The following LRRC9 variants were observed in gnomAD, a reference collection of about 807,000 sequenced individuals.
LRRC9 encodes leucine rich repeat containing 9, also known as leucine-rich repeat-containing protein 9.
Under a neutral mutation model 63.2 loss-of-function variants are expected in LRRC9, and 122 were observed. The observed-to-expected ratio is 1.93, with a 90% CI of 1.67 to 2.24. LRRC9 has a LOEUF of 2.24. LRRC9 is among the 30% of genes most tolerant of loss of function. The probability of loss-of-function intolerance (pLI) is 0.00; values close to 1 mark genes in which losing one functional copy is unlikely to be tolerated. For synonymous variants in LRRC9, 366 were observed against 213.1 expected, an observed-to-expected ratio of 1.72 and a Z score of -6.25; for missense variants, 1,071 against 627.7, an observed-to-expected ratio of 1.71 and a Z score of -7.55.
chr14:59,958,912 C>T lies in LRRC9; in HGVS notation c.883-906C>T, dbSNP rs1252587652. 6.6e-6 allele frequency among the ~76,000 whole-genome samples: 1 copy of T among 152,194 alleles called. No homozygotes were observed. Among genetic ancestry groups the T allele is most frequent in the South Asian group, 2.1e-4 (1 of 4,830 alleles). ...CTGGGTGATGTGACACCCCACCCTG[C>T]TTCTGCTCACCCTCTGTGGGTTGGA... On this transcript the variant is annotated intron_variant, in intron 8 of 31. Transcript: ENST00000445360. The surrounding 1 kb of genome is among the most constrained non-coding windows in gnomAD (Gnocchi z 4.0).
chr14:60,046,687 A>C (rs1350864040), intron 29 of LRRC9, among the ~76,000 whole-genome samples: 1 of 152,176 alleles, frequency 6.6e-6, no homozygotes, highest in East Asian at 1.9e-4. Flanking sequence ...CTTGTGGCAT[A>C]GTTTGAGGTC....
At chr14:60,000,971 C>T (rs1383249667) in intron 19 of LRRC9, among the ~76,000 whole-genome samples, 4 of 151,992 alleles carry the variant, frequency 2.6e-5, no homozygotes, top group Admixed American at 6.6e-5. Context: ...AGCCAATTAA[C>T]TTAGGAAAAG....
chr14:59,945,381 G>C (rs1594839878), intron 8 of LRRC9, among the ~76,000 whole-genome samples: 1 of 151,774 alleles, frequency 6.6e-6, no homozygotes, highest in East Asian at 1.9e-4. Context: ...TCAACAAATG[G>C]TGTTACAAAA....
At chr14:59,955,968 C>T (rs1255380487) in intron 8 of LRRC9, among the ~76,000 whole-genome samples, 2 of 152,072 alleles carry the variant, frequency 1.3e-5, no homozygotes, top group Non-Finnish European at 2.9e-5. Context: ...TTACTTAATC[C>T]TGAGTTCTAT....
At position 60,031,681 on chromosome 14, in the gene LRRC9, T is replaced by C. The variant is rs79243905; in HGVS notation, c.3922-314T>C. On this transcript the variant is annotated intron_variant, in intron 28 of 31. Transcript: ENST00000445360. The surrounding 1 kb of genome is among the most constrained non-coding windows in gnomAD (Gnocchi z 4.6). ...CTTTCTGGTCAATGTGCTGGAGGAA[T>C]TAACCAAATATAATATGAGTCCTAG... Among the ~76,000 whole-genome samples the C allele has an allele frequency of 3.4e-3, 515 of 152,136 alleles. 18 individuals are homozygous for C. In the East Asian group the frequency reaches 0.058, roughly 17 times the overall value.
intron 23 of LRRC9, among the ~76,000 whole-genome samples, chr14:60,011,196 T>C (rs1319046835): frequency 6.6e-6 from 1 of 152,130 alleles, no homozygotes; most frequent in Non-Finnish European, 1.5e-5. Context: ...TCATGGCAGA[T>C]GAAGGAAGAG....
chr14:59,932,736 A>T lies in LRRC9; in HGVS notation c.543+697A>T, dbSNP rs920748146. ...CATCACTACCAAGCTGATTCAAGACACTATCATCTCTAACCTGCATTAATG... is the reference window on the plus strand; with the variant it reads ...CATCACTACCAAGCTGATTCAAGACTCTATCATCTCTAACCTGCATTAATG... On this transcript the variant is annotated intron_variant, in intron 6 of 31. Coordinates refer to ENST00000445360, the Ensembl canonical transcript of LRRC9. This position sits in a 1 kb window ranked among gnomAD's most constrained non-coding sequence, Gnocchi z 4.7. 2.0e-5 allele frequency among the ~76,000 whole-genome samples: 3 copies of T among 152,098 alleles called. No homozygotes were observed. The highest frequency in any genetic ancestry group is 1.3e-4 in the Admixed American group (2 of 15,252).
At chr14:59,963,034 A>G (rs1482995480) in intron 10 of LRRC9, among the ~76,000 whole-genome samples, 2 of 152,230 alleles carry the variant, frequency 1.3e-5, no homozygotes, top group Admixed American at 6.5e-5. Flanking sequence ...ATGTTAAGAA[A>G]TAACTACTAA....
rs908677210 is a variant in LRRC9, at chr14:60,057,955, T to C, written c.4209T>C (p.Asn1403=). The stretch of plus-strand genomic sequence containing the variant: ...AAACTCCTCCCATAGAGATAACAAA[T>C]GTACTTCTGCCTAGTGGATTCAGCC... The change falls in exon 31 of 32, where the codon AAT becomes AAC. Residue 1403 remains asparagine (N), a synonymous_variant. Transcript: ENST00000445360. 1.5e-5 allele frequency: 10 copies of C among 689,112 alleles called. No individual in the cohort carries two copies. The Admixed American group carries it at 1.8e-4, about 12-fold the overall frequency. The allele number at this position is 689,112 out of a possible 1,614,324, so 42.7% of individuals were successfully genotyped here. A position where few individuals can be genotyped will look rare whatever the true frequency, so the allele number is the denominator to read the frequency against.
In LRRC9 at chr14:59,966,118, G is replaced by A. The variant is rs924368591; in HGVS notation, c.1212-471G>A. ...AGTAGGTAGTTGGATATTCAAGTCTGGGTATAACCAGCTAAGTTGAGTAGA... is the reference window on the plus strand; with the variant it reads ...AGTAGGTAGTTGGATATTCAAGTCTAGGTATAACCAGCTAAGTTGAGTAGA... On this transcript the variant is annotated intron_variant, in intron 10 of 31. Transcript: ENST00000445360. This position sits in a 1 kb window ranked among gnomAD's most constrained non-coding sequence, Gnocchi z 4.0. 7.9e-5 allele frequency among the ~76,000 whole-genome samples: 12 copies of A among 151,950 alleles called. No individual in the cohort carries two copies. The highest frequency in any genetic ancestry group is 2.9e-4 in the African/African-American group (12 of 41,322).
chr14:59,922,529 G>A lies in LRRC9; in HGVS notation c.-34+2646G>A, dbSNP rs1888874827. Reference sequence around the variant, plus strand: ...AGGAAATTTGGCAATAAATGAAAGAGGAAAATTTGACAGCAGTATTCTGAA... The same window carrying A: ...AGGAAATTTGGCAATAAATGAAAGAAGAAAATTTGACAGCAGTATTCTGAA... On this transcript the variant is annotated intron_variant, in intron 1 of 31. Transcript: ENST00000445360. The surrounding 1 kb of genome is among the most constrained non-coding windows in gnomAD (Gnocchi z 5.3). Among the ~76,000 whole-genome samples the A allele has an allele frequency of 6.6e-6, 1 of 152,132 alleles. No individual in the cohort carries two copies. Among genetic ancestry groups the A allele is most frequent in the African/African-American group, 2.4e-5 (1 of 41,424 alleles).
intron 12 of LRRC9, chr14:59,973,486 A>G (rs219321): frequency 0.74 from 113,119 of 151,864 alleles, 44,309 homozygotes; most frequent in Non-Finnish European, 0.87. Flanking sequence ...TGGGGGATTG[A>G]TTCCAGGACT....
chr14:60,002,654 A>G (rs1360855573), intron 20 of LRRC9, among the ~76,000 whole-genome samples: 1 of 152,208 alleles, frequency 6.6e-6, no homozygotes, highest in Non-Finnish European at 1.5e-5. Flanking sequence ...TACATTTGTC[A>G]TATTCCAAAA....
rs532396118 is a variant in LRRC9 at position 60,009,448 on chromosome 14, G to A, written c.3186+1234G>A. On this transcript the variant is annotated intron_variant, in intron 23 of 31. Transcript: ENST00000445360. Reference sequence around the variant, plus strand: ...GATCTCATGAGACTTATTCACTATCGCGAGAACAGCGTAAGAAAAACCCAT... The same window carrying A: ...GATCTCATGAGACTTATTCACTATCACGAGAACAGCGTAAGAAAAACCCAT... Among the ~76,000 whole-genome samples the A allele has an allele frequency of 8.5e-5, 13 of 152,222 alleles. No individual in the cohort carries two copies. In the South Asian group the frequency reaches 1.0e-3, roughly 12 times the overall value.
downstream of LRRC9, among the ~76,000 whole-genome samples, chr14:60,064,094 C>A (rs1894814038): frequency 6.6e-6 from 1 of 152,124 alleles, no homozygotes; most frequent in Non-Finnish European, 1.5e-5. Flanking sequence ...TACAAGTTTA[C>A]AAGTAGTTTC....
At chr14:59,971,097 T>A (rs1042567221) in intron 12 of LRRC9, among the ~76,000 whole-genome samples, 1 of 152,110 alleles carries the variant, frequency 6.6e-6, no homozygotes, top group African/African-American at 2.4e-5. Context: ...CTTGAGTTGA[T>A]TTTTCATATA....
At chr14:60,050,397 T>C (rs1475030877) in intron 29 of LRRC9, among the ~76,000 whole-genome samples, 1 of 152,202 alleles carries the variant, frequency 6.6e-6, no homozygotes, top group African/African-American at 2.4e-5. Flanking sequence ...GTTCTCATGT[T>C]GTGTTTTTCA....
intron 8 of LRRC9, among the ~76,000 whole-genome samples, chr14:59,955,074 T>A (rs1278079486): frequency 1.3e-5 from 2 of 152,248 alleles, no homozygotes; most frequent in Non-Finnish European, 2.9e-5. Context: ...TTTGCATCAA[T>A]GTTCATCAGG....
intron 5 of LRRC9, 21 bp from the exon 6 acceptor site, chr14:59,931,948 C>A (rs944834582): frequency 2.9e-6 from 2 of 696,138 alleles, no homozygotes; most frequent in Non-Finnish European, 5.2e-6. Flanking sequence ...TAATTGAATT[C>A]TTTTCGTCTA....
Sources: gnomAD v4.1 joint callset for allele counts (sites outside exome capture counted in the v4.1 genomes callset) on GRCh38, gnomAD v4.1.1 for gene constraint, Gnocchi (gnomAD v3.1) non-coding constraint, MANE v1.5 for transcripts, NCBI Gene and HGNC (gene_info 2026-07-23, HGNC 2026-07-21) for gene names.